DSC3: variants seen among roughly 807,000 people sequenced by gnomAD.
DSC3 encodes desmocollin-3.
DSC3 carries 97 observed loss-of-function variants against 89.5 expected under a neutral mutation model. That is an observed-to-expected ratio of 1.08 (90% confidence interval 0.92 to 1.28). The LOEUF is 1.28. DSC3 is among the 50% of genes most tolerant of loss of function. DSC3 has a pLI of 0.00. For synonymous variants in DSC3, 436 were observed against 384.1 expected (o/e 1.14, Z -1.58); for missense variants, 1,199 against 1,085.3 (o/e 1.10, Z -1.47).
rs1262467450 is a variant in DSC3, at chr18:30,994,367, C to T, written c.2499G>A (p.Leu833=). 2 of 1,613,450 alleles carry T rather than the reference C, an allele frequency of 1.2e-6. No homozygotes were observed. The highest frequency in any genetic ancestry group is 8.5e-7 in the Non-Finnish European group (1 of 1,179,780). The stretch of plus-strand genomic sequence containing the variant: ...GGTCTTCATTCTGATTACATCGATG[C>T]AATTTCTGTAAAATTTTTTAAAAAA... ...SFTQPRLGEK[L]HRCNQNEDRM... is the part of the protein sequence containing the mutation. Residue 833 remains leucine (L), a synonymous_variant, in exon 16 of 16, where the codon TTG becomes TTA. Coordinates refer to ENST00000360428, the MANE Select transcript of DSC3 (RefSeq NM_001941.5).
At chr18:31,013,876 A>G (rs543862544) in intron 9 of DSC3, among the ~76,000 whole-genome samples, 108 of 152,288 alleles carry the variant, frequency 7.1e-4, no homozygotes, top group African/African-American at 2.5e-3. Context: ...GTCCTTGACT[A>G]AGCAATTCCA....
In DSC3 at chr18:30,991,761, TC is replaced by T. The variant is rs986617355; in HGVS notation, c.*2413del. Reference sequence around the variant, plus strand: ...AATATTTTGTGCCCTGAGTTCTTTCTCCCCCTGGCTTCTCGACTGTCTTTTG... The same window carrying T: ...AATATTTTGTGCCCTGAGTTCTTTCTCCCCTGGCTTCTCGACTGTCTTTTG... On this transcript the variant is annotated 3_prime_UTR_variant, in exon 16 of 16. Coordinates refer to ENST00000360428, the MANE Select transcript of DSC3 (RefSeq NM_001941.5). 6.6e-6 allele frequency: 1 copy of T among 152,168 alleles called. No homozygotes were observed. Among genetic ancestry groups the T allele is most frequent in the Non-Finnish European group, 1.5e-5 (1 of 68,040 alleles). The allele number at this position is 152,168 out of a possible 1,614,324, so 9.4% of individuals were successfully genotyped here. A position where few individuals can be genotyped will look rare whatever the true frequency, so the allele number is the denominator to read the frequency against.
At chr18:31,001,345 A>G (rs1984652672) in intron 14 of DSC3, among the ~76,000 whole-genome samples, 1 of 151,940 alleles carries the variant, frequency 6.6e-6, no homozygotes, top group South Asian at 2.1e-4. Context: ...TGCAGGCAAA[A>G]AAAACTATTG....
chr18:30,990,607 C>T lies in DSC3; in HGVS notation c.*3568G>A, dbSNP rs188430611. 3 of 152,288 alleles carry T rather than the reference C, an allele frequency of 2.0e-5. No homozygotes were observed. The highest frequency in any genetic ancestry group is 7.2e-5 in the African/African-American group (3 of 41,558). 9.4% of individuals were successfully genotyped at this position (152,288 alleles called of 1,614,324 possible). A position where few individuals can be genotyped will look rare whatever the true frequency, so the allele number is the denominator to read the frequency against. Reference sequence around the variant, plus strand: ...AAGATTCACTGTGAAGCACAGAGCACCTTTATGGTTGGATCATCTTGTCAT... The same window carrying T: ...AAGATTCACTGTGAAGCACAGAGCATCTTTATGGTTGGATCATCTTGTCAT... On this transcript the variant is annotated 3_prime_UTR_variant, in exon 16 of 16. Transcript: ENST00000360428.
chr18:31,007,098 T>C lies in DSC3; in HGVS notation c.1697A>G (p.Asn566Ser). ...TGGATTATCATTTACATCTTCAATG[T>C]TCACAGCAAGTGTTCCAGTACATGA... ...DRSCTGTLAV[N>S]IEDVNDNPPE... Residue 566 changes from asparagine (N) to serine (S), a missense_variant, in exon 12 of 16, where the codon AAC becomes AGC. By Grantham distance (46) the Asn-to-Ser change is conservative. Transcript: ENST00000360428. 1 of 1,613,836 alleles carries C rather than the reference T, an allele frequency of 6.2e-7. No homozygotes were observed. The highest frequency in any genetic ancestry group is 8.5e-7 in the Non-Finnish European group (1 of 1,179,820).
At chr18:31,007,840 G>T (rs146344769) in intron 11 of DSC3, among the ~76,000 whole-genome samples, 176 bp downstream of exon 11, 1 of 152,212 alleles carries the variant, frequency 6.6e-6, no homozygotes, top group South Asian at 2.1e-4. Context: ...AATAAAACAC[G>T]GCTTCTTGTC....
intron 7 of DSC3, among the ~76,000 whole-genome samples, chr18:31,019,915 A>G (rs1047620002): frequency 3.9e-5 from 6 of 152,194 alleles, no homozygotes; most frequent in African/African-American, 1.4e-4. Context: ...TTAACAGTAA[A>G]TTCTATATAC....
intron 9 of DSC3, among the ~76,000 whole-genome samples, chr18:31,017,437 C>G (rs1239146440): frequency 1.3e-5 from 2 of 152,096 alleles, no homozygotes; most frequent in Non-Finnish European, 2.9e-5. Flanking sequence ...CCTTCCTACC[C>G]TCATAACCTG....
chr18:31,024,794 C>A (rs1026090059), intron 5 of DSC3, among the ~76,000 whole-genome samples: 1 of 152,082 alleles, frequency 6.6e-6, no homozygotes, highest in Non-Finnish European at 1.5e-5. Context: ...TCTCTATAAT[C>A]AGAAAATTAT....
chr18:31,009,338 C>T (rs764696272), intron 9 of DSC3, among the ~76,000 whole-genome samples: 1 of 152,144 alleles, frequency 6.6e-6, no homozygotes, highest in South Asian at 2.1e-4. Flanking sequence ...CAGGCGTGAA[C>T]CACCATGCCC....
In DSC3 at chr18:31,029,523, A is replaced by G; in HGVS notation, c.460T>C (p.Leu154=). ...MQENSLGPFP[L]FLQQVESDAA... ...TGTAAACCTACTTGTTGAAGAAACAATGGGAAAGGGCCCAAGGAATTCTCT... is the reference window on the plus strand; with the variant it reads ...TGTAAACCTACTTGTTGAAGAAACAGTGGGAAAGGGCCCAAGGAATTCTCT... The change falls in exon 4 of 16, where the codon TTG becomes CTG. Residue 154 remains leucine (L), a synonymous_variant. Transcript: ENST00000360428. The G allele has an allele frequency of 1.9e-6, 3 of 1,613,868 alleles. No homozygotes were observed. The highest frequency in any genetic ancestry group is 2.5e-6 in the Non-Finnish European group (3 of 1,179,730).
Position 31,018,246 on chromosome 18 carries a change from A to G in DSC3, c.1088T>C (p.Phe363Ser), listed in dbSNP as rs752702181. The change falls in exon 9 of 16, where the codon TTT (phenylalanine) becomes TCT (serine). Residue 363 changes from phenylalanine (F) to serine (S), a missense_variant. Transcript: ENST00000360428. ...PTFRQNAYEA[F>S]VEENAFNVEI... The stretch of plus-strand genomic sequence containing the variant: ...CACATTGAATGCATTTTCCTCTACA[A>G]ATGCTTCATACTGAAACAGAAAGAA... 2 of 1,610,150 alleles carry G rather than the reference A, an allele frequency of 1.2e-6. No individual in the cohort carries two copies. The highest frequency in any genetic ancestry group is 8.5e-7 in the Non-Finnish European group (1 of 1,178,504).
intron 7 of DSC3, among the ~76,000 whole-genome samples, chr18:31,020,376 A>G (rs184817369): frequency 5.3e-5 from 8 of 152,332 alleles, no homozygotes; most frequent in Admixed American, 1.3e-4. Context: ...GAGGAAGACC[A>G]GAAGTCTAAG....
In DSC3 at chr18:30,992,694, A is replaced by G. The variant is rs1984311077; in HGVS notation, c.*1481T>C. The G allele has an allele frequency of 6.6e-6, 1 of 152,198 alleles. No individual in the cohort carries two copies. Among genetic ancestry groups the G allele is most frequent in the African/African-American group, 2.4e-5 (1 of 41,440 alleles). 9.4% of individuals were successfully genotyped at this position (152,198 alleles called of 1,614,324 possible). ...TCTCCCAAAGTTCCCTCTGTTCTAA[A>G]ATGACAACTTGATCTTTTTCTTTTA... On this transcript the variant is annotated 3_prime_UTR_variant, in exon 16 of 16. Transcript: ENST00000360428.
intron 4 of DSC3, among the ~76,000 whole-genome samples, chr18:31,028,447 C>T (rs1985674566): frequency 6.6e-6 from 1 of 152,032 alleles, no homozygotes; most frequent in African/African-American, 2.4e-5. Flanking sequence ...ACAGCTTTGG[C>T]AATTAGAAAT....
At chr18:31,036,142 T>C (rs1182059659) in intron 1 of DSC3, among the ~76,000 whole-genome samples, 1 of 152,184 alleles carries the variant, frequency 6.6e-6, no homozygotes, top group African/African-American at 2.4e-5. Context: ...TTATTAGCTA[T>C]TGCCAAGTTG....
chr18:31,008,652 A>T, intron 9 of DSC3, 127 bp from the exon 10 acceptor site: 1 of 1,260,634 alleles, frequency 7.9e-7, no homozygotes, highest in Non-Finnish European at 1.1e-6. Flanking sequence ...GTTAATACTG[A>T]CTTTTATCCC....
intron 2 of DSC3, 66 bp downstream of exon 2, chr18:31,032,126 T>A: frequency 8.8e-7 from 1 of 1,138,008 alleles, no homozygotes; most frequent in Non-Finnish European, 1.3e-6. Context: ...AAAGGTATTA[T>A]ATCATGCTCT....
intron 15 of DSC3, among the ~76,000 whole-genome samples, chr18:30,995,441 C>A (rs1984422051): frequency 6.6e-6 from 1 of 152,176 alleles, no homozygotes; most frequent in Non-Finnish European, 1.5e-5. Context: ...CACCCATTTG[C>A]ATTCCATTCA....
Sources: allele counts gnomAD v4.1 joint callset (sites outside exome capture counted in the v4.1 genomes callset), GRCh38; gene constraint gnomAD v4.1.1; transcripts MANE v1.5; gene names NCBI Gene and HGNC (gene_info 2026-07-23, HGNC 2026-07-21).